Variants in NAALADL2 observed in about 807,000 individuals in gnomAD.
The protein encoded by NAALADL2 is inactive N-acetylated-alpha-linked acidic dipeptidase-like protein 2.
A neutral mutation model predicts 87.2 loss-of-function variants in NAALADL2; 76 were observed. That is an observed-to-expected ratio of 0.87 (90% CI 0.72 to 1.05). The LOEUF (loss-of-function observed/expected upper bound fraction) is 1.05, where lower values mean the gene tolerates loss of function less well. Among genes scored for constraint, NAALADL2 ranks in the 50% least tolerant of loss-of-function variants. The pLI is 0.00. For missense variants in NAALADL2, 1,089 were observed against 945.8 expected, an observed-to-expected ratio of 1.15 and a Z score of -1.99; for synonymous variants, 354 against 331.0, an observed-to-expected ratio of 1.07 and a Z score of -0.75.
intron 2 of NAALADL2, among the ~76,000 whole-genome samples, chr3:174,571,419 C>T (rs546654197): frequency 6.6e-6 from 1 of 152,128 alleles, no homozygotes; most frequent in Non-Finnish European, 1.5e-5. Context: ...TCTTTTTGCC[C>T]AGGCTGGAGT....
chr3:174,516,032 C>T (rs2108400841), intron 1 of NAALADL2, among the ~76,000 whole-genome samples: 1 of 152,028 alleles, frequency 6.6e-6, no homozygotes, highest in South Asian at 2.1e-4. Flanking sequence ...ACCAGAATGC[C>T]ATAAAGTATT....
At chr3:174,580,384 C>T (rs2108558033) in intron 2 of NAALADL2, among the ~76,000 whole-genome samples, 1 of 152,156 alleles carries the variant, frequency 6.6e-6, no homozygotes, top group East Asian at 1.9e-4. Context: ...AGAAAATCCT[C>T]TCATCTTTTT....
chr3:174,982,195 T>A (rs1051307695), intron 1 of NAALADL2, among the ~76,000 whole-genome samples: 1 of 152,134 alleles, frequency 6.6e-6, no homozygotes, highest in African/African-American at 2.4e-5. Flanking sequence ...GATAGTCTGG[T>A]TGAATCCAGA....
intron 4 of NAALADL2, among the ~76,000 whole-genome samples, chr3:175,281,572 T>C (rs1356078286): frequency 2.6e-5 from 4 of 152,012 alleles, no homozygotes; most frequent in Non-Finnish European, 5.9e-5. Flanking sequence ...TGTGTATCTG[T>C]ACCAGTGAGT....
chr3:175,128,320 T>C (rs1727279584), intron 2 of NAALADL2, among the ~76,000 whole-genome samples: 1 of 152,228 alleles, frequency 6.6e-6, no homozygotes, highest in Non-Finnish European at 1.5e-5. Flanking sequence ...TAAAGGTTTT[T>C]GAATTCTTAC....
At chr3:174,785,290 G>A (rs1716507755) in intron 3 of NAALADL2, among the ~76,000 whole-genome samples, 1 of 152,190 alleles carries the variant, frequency 6.6e-6, no homozygotes, top group African/African-American at 2.4e-5. Flanking sequence ...GCCATTAAAA[G>A]TAATGGCAAA....
chr3:175,329,100 A>G (rs938401280), intron 5 of NAALADL2, among the ~76,000 whole-genome samples: 4 of 152,206 alleles, frequency 2.6e-5, no homozygotes, highest in African/African-American at 9.6e-5. Context: ...GGTAACTGGT[A>G]ATCTATTTAC....
At chr3:175,019,401 A>T (rs1751279022) in intron 1 of NAALADL2, among the ~76,000 whole-genome samples, 1 of 152,056 alleles carries the variant, frequency 6.6e-6, no homozygotes, top group African/African-American at 2.4e-5. Context: ...CTGCATATTC[A>T]TCTGTCTATT....
chr3:175,589,627 A>G (rs1049699539), intron 10 of NAALADL2, among the ~76,000 whole-genome samples: 2 of 152,036 alleles, frequency 1.3e-5, no homozygotes, highest in Non-Finnish European at 2.9e-5. Flanking sequence ...TGATATAACT[A>G]TTAAATGCTG....
intron 3 of NAALADL2, among the ~76,000 whole-genome samples, chr3:174,844,077 T>G (rs1369298309): frequency 6.6e-6 from 1 of 152,198 alleles, no homozygotes; most frequent in African/African-American, 2.4e-5. Flanking sequence ...GGTCGTATTT[T>G]AAAAATCTTT....
intron 5 of NAALADL2, among the ~76,000 whole-genome samples, chr3:175,445,961 G>T (rs1720617916): frequency 6.6e-6 from 1 of 152,086 alleles, no homozygotes; most frequent in African/African-American, 2.4e-5. Flanking sequence ...GGCCGGCCTA[G>T]GGTTGCCCTT....
At chr3:174,709,188 TACAG>T (rs1439872908) in intron 2 of NAALADL2, among the ~76,000 whole-genome samples, 2 of 152,036 alleles carry the variant, frequency 1.3e-5, no homozygotes, top group Non-Finnish European at 2.9e-5. Context: ...AGAATAGAAA[TACAG>T]ACAAGGTAAA....
chr3:175,413,299 C>T (rs528683166), intron 5 of NAALADL2, among the ~76,000 whole-genome samples: 12 of 150,802 alleles, frequency 8.0e-5, no homozygotes, highest in East Asian at 4.1e-4. Context: ...AGGCCGAGCG[C>T]GGTGGCTCAT....
rs537466651 is a variant in NAALADL2, at chr3:174,466,345, C to A, written c.-184+25313C>A. 2.7e-5 allele frequency among the ~76,000 whole-genome samples: 3 copies of A among 111,176 alleles called. No individual in the cohort carries two copies. The South Asian group carries it at 8.2e-4, about 30-fold the overall frequency. The allele number at this position is 111,176 out of a possible 152,430, so 72.9% of individuals were successfully genotyped here. On this transcript the variant is annotated intron_variant, in intron 1 of 3. Coordinates refer to the NAALADL2 transcript ENST00000434257. ...ATTTTATGTGTGGCCCAAGACAATT[C>A]TTCTTCTTCCAGTGTGTCCCAGGGA...
intron 2 of NAALADL2, among the ~76,000 whole-genome samples, chr3:175,167,832 C>T (rs1734210225): frequency 6.6e-6 from 1 of 151,998 alleles, no homozygotes; most frequent in Non-Finnish European, 1.5e-5. Context: ...TCCTTCTATA[C>T]CCATGTCTTA....
intron 3 of NAALADL2, among the ~76,000 whole-genome samples, chr3:174,776,292 C>T (rs984009110): frequency 6.6e-6 from 1 of 152,082 alleles, no homozygotes; most frequent in Non-Finnish European, 1.5e-5. Flanking sequence ...TGTTGAGTGA[C>T]TTCGCAAAGT....
chr3:174,629,478 C>A (rs895608415), intron 2 of NAALADL2, among the ~76,000 whole-genome samples: 3 of 152,182 alleles, frequency 2.0e-5, no homozygotes, highest in African/African-American at 7.2e-5. Flanking sequence ...TATACAGAAT[C>A]ACTCTTTTGA....
chr3:175,351,709 A>G (rs1763799423), intron 5 of NAALADL2, among the ~76,000 whole-genome samples: 1 of 152,086 alleles, frequency 6.6e-6, no homozygotes, highest in Non-Finnish European at 1.5e-5. Context: ...TCTTCAGGGT[A>G]TTAATGAATC....
At chr3:175,475,972 C>T (rs1187680499) in intron 9 of NAALADL2, among the ~76,000 whole-genome samples, 4 of 152,172 alleles carry the variant, frequency 2.6e-5, no homozygotes, top group Non-Finnish European at 4.4e-5. Flanking sequence ...ATCTTCCTGC[C>T]TTGGCTTCTC....
Sources: allele counts gnomAD v4.1 joint callset (sites outside exome capture counted in the v4.1 genomes callset), GRCh38; gene constraint gnomAD v4.1.1; transcripts MANE v1.5; gene names NCBI Gene and HGNC (gene_info 2026-07-23, HGNC 2026-07-21).